Variants in GFRA1 observed in about 807,000 individuals in gnomAD.
GFRA1 encodes GDNF family receptor alpha-1.
GFRA1 carries 16 observed loss-of-function variants against 51.6 expected under a neutral mutation model. That is an observed-to-expected ratio of 0.31 (90% CI 0.21 to 0.47). The LOEUF (loss-of-function observed/expected upper bound fraction) is 0.47. Among genes scored for constraint, GFRA1 ranks in the 20% least tolerant of loss-of-function variants. The pLI, the probability that GFRA1 is intolerant of heterozygous loss-of-function variation, is 1.00. For synonymous variants in GFRA1, 270 were observed against 241.3 expected, an observed-to-expected ratio of 1.12 and a Z score of -1.10; for missense variants, 530 against 594.3, an observed-to-expected ratio of 0.89 and a Z score of 1.13.
At position 116,076,750 on chromosome 10, in the gene GFRA1, C is replaced by G. The variant is rs149295540; in HGVS notation, c.1198-11124G>C. Among the ~76,000 whole-genome samples, 757 of 152,276 alleles carry G rather than the reference C, an allele frequency of 5.0e-3. 7 individuals are homozygous for G. Among genetic ancestry groups the G allele is most frequent in the African/African-American group, 0.018 (728 of 41,560 alleles). On this transcript the variant is annotated intron_variant, in intron 9 of 10. Coordinates refer to ENST00000355422, the MANE Select transcript of GFRA1 (RefSeq NM_005264.8). ...AATAATCACACTTGTTTTCAAGGGT[C>G]CTGGGACCTAATTCCCCATGGTGTG...
intron 4 of GFRA1, among the ~76,000 whole-genome samples, chr10:116,228,743 G>A (rs1328692954): frequency 3.9e-5 from 6 of 152,084 alleles, no homozygotes; most frequent in Admixed American, 3.3e-4. Context: ...AGCACTTTGG[G>A]AGGCCAAGGC....
chr10:116,160,669 T>C (rs1004315939), intron 5 of GFRA1, among the ~76,000 whole-genome samples: 3 of 152,068 alleles, frequency 2.0e-5, no homozygotes, highest in African/African-American at 7.2e-5. Flanking sequence ...CCTAAATGGG[T>C]TGGAGATCAA....
At chr10:116,140,018 G>T (rs1472613013) in intron 5 of GFRA1, among the ~76,000 whole-genome samples, 1 of 152,200 alleles carries the variant, frequency 6.6e-6, no homozygotes, top group South Asian at 2.1e-4. Context: ...ATTTCTCCTG[G>T]TGTGTCTAGA....
At chr10:116,224,309 GT>G (rs2134515990) in intron 4 of GFRA1, among the ~76,000 whole-genome samples, 1 of 152,260 alleles carries the variant, frequency 6.6e-6, no homozygotes, top group Non-Finnish European at 1.5e-5. Context: ...TACGTATAGA[GT>G]TTATCATATG....
chr10:116,262,317 T>A (rs1969355924), intron 4 of GFRA1, among the ~76,000 whole-genome samples: 1 of 152,294 alleles, frequency 6.6e-6, no homozygotes, highest in African/African-American at 2.4e-5. Flanking sequence ...AACATTTGGG[T>A]CTTTGCCACA....
At chr10:116,075,979 C>T (rs557717409) in intron 9 of GFRA1, among the ~76,000 whole-genome samples, 5 of 152,104 alleles carry the variant, frequency 3.3e-5, no homozygotes, top group African/African-American at 1.2e-4. Context: ...CTCCTGAACT[C>T]GTGATCCACC....
At chr10:116,186,789 A>C (rs1962763512) in intron 5 of GFRA1, among the ~76,000 whole-genome samples, 1 of 152,186 alleles carries the variant, frequency 6.6e-6, no homozygotes, top group Non-Finnish European at 1.5e-5. Flanking sequence ...TGAGAATACC[A>C]TATTTATAAG....
chr10:116,211,810 A>C (rs540065579), intron 4 of GFRA1, among the ~76,000 whole-genome samples, 165 bp from the exon 5 acceptor site: 2 of 152,338 alleles, frequency 1.3e-5, no homozygotes, highest in African/African-American at 2.4e-5. Flanking sequence ...TAAGAGCTCA[A>C]GCTCTGGAAT....
At chr10:116,273,379 T>C (rs1475412725), upstream of GFRA1, 1 of 152,012 alleles carries the variant, frequency 6.6e-6, no homozygotes, top group Non-Finnish European at 1.5e-5. Context: ...AGCAGAGCCC[T>C]CGGCTCGGAT....
At chr10:116,137,063 C>T (rs1304285110) in intron 5 of GFRA1, among the ~76,000 whole-genome samples, 1 of 152,166 alleles carries the variant, frequency 6.6e-6, no homozygotes, top group Non-Finnish European at 1.5e-5. Context: ...ATGTGTTCTT[C>T]GTAGGCTCAT....
chr10:116,158,549 G>A (rs1410193444), intron 5 of GFRA1, among the ~76,000 whole-genome samples: 2 of 152,182 alleles, frequency 1.3e-5, no homozygotes, highest in Admixed American at 1.3e-4. Context: ...GGAGGAGGGG[G>A]AAGGCCGTGG....
intron 6 of GFRA1, among the ~76,000 whole-genome samples, chr10:116,123,313 A>G (rs1957722676): frequency 2.6e-5 from 4 of 152,192 alleles, no homozygotes; most frequent in Admixed American, 1.3e-4. Flanking sequence ...TTGCTGGAAC[A>G]CCTGTTTCTT....
chr10:116,178,150 C>G (rs1444096615), intron 5 of GFRA1, among the ~76,000 whole-genome samples: 1 of 152,184 alleles, frequency 6.6e-6, no homozygotes, highest in Non-Finnish European at 1.5e-5. Context: ...ACATGCAGAT[C>G]TTGTTTGGGC....
At chr10:116,262,248 G>A (rs947817393) in intron 4 of GFRA1, among the ~76,000 whole-genome samples, 5 of 152,084 alleles carry the variant, frequency 3.3e-5, no homozygotes, top group South Asian at 2.1e-4. Context: ...CTGTTAACAG[G>A]ACCTACAGTA....
intron 10 of GFRA1, among the ~76,000 whole-genome samples, chr10:116,065,250 T>G (rs1245951474): frequency 6.6e-6 from 1 of 152,210 alleles, no homozygotes; most frequent in Admixed American, 6.5e-5. Context: ...AGAGAACATC[T>G]GGTAAGCAGT....
At chr10:116,270,050 G>A (rs1469917186) in intron 3 of GFRA1, among the ~76,000 whole-genome samples, 4 of 152,164 alleles carry the variant, frequency 2.6e-5, no homozygotes, top group Non-Finnish European at 5.9e-5. Flanking sequence ...GACTCTGGAG[G>A]AAGTGACCGC....
intron 4 of GFRA1, among the ~76,000 whole-genome samples, chr10:116,216,301 G>GGGTTAGT (rs1414680559): frequency 6.6e-6 from 1 of 152,152 alleles, no homozygotes; most frequent in East Asian, 1.9e-4. Flanking sequence ...TCTTGCGCCT[G>GGGTTAGT]GGTTAGTAAT....
At chr10:116,219,109 C>T (rs887800508) in intron 4 of GFRA1, among the ~76,000 whole-genome samples, 9 of 152,134 alleles carry the variant, frequency 5.9e-5, no homozygotes, top group African/African-American at 1.4e-4. Context: ...CATCGGCCTG[C>T]GCTGACTTGG....
intron 9 of GFRA1, among the ~76,000 whole-genome samples, chr10:116,084,905 CTTT>C (rs986869303): frequency 1.7e-4 from 26 of 151,240 alleles, no homozygotes; most frequent in African/African-American, 5.6e-4. Context: ...ATTAATGTTT[CTTT>C]GTTTTCCATA....
Sources: gnomAD v4.1 joint callset for allele counts (sites outside exome capture counted in the v4.1 genomes callset) on GRCh38, gnomAD v4.1.1 for gene constraint, MANE v1.5 for transcripts, NCBI Gene and HGNC (gene_info 2026-07-23, HGNC 2026-07-21) for gene names.